The following KLHL14 variants were observed in gnomAD, a reference collection of about 807,000 sequenced individuals.
KLHL14 encodes kelch-like protein 14.
A neutral mutation model predicts 64.3 loss-of-function variants in KLHL14; 22 were observed. The observed-to-expected ratio is 0.34, with a 90% CI of 0.24 to 0.49. KLHL14 has a LOEUF of 0.49. KLHL14 is among the 20% of genes least tolerant of loss of function. The pLI is 0.99. For missense variants in KLHL14, 661 were observed against 789.0 expected, an observed-to-expected ratio of 0.84 and a Z score of 1.94; for synonymous variants, 322 against 333.4, an observed-to-expected ratio of 0.97 and a Z score of 0.37.
intron 3 of KLHL14, chr18:32,733,991 A>G (rs1461655535): frequency 2.4e-5 from 14 of 592,786 alleles, no homozygotes; most frequent in Non-Finnish European, 4.2e-5. Flanking sequence ...GTCTCAAATC[A>G]GCTTGATGTT....
chr18:32,750,485 G>A (rs1488169994), intron 2 of KLHL14, among the ~76,000 whole-genome samples: 1 of 152,138 alleles, frequency 6.6e-6, no homozygotes, highest in East Asian at 1.9e-4. Context: ...ATGTTACACT[G>A]TATATAAATA....
At chr18:32,681,681 A>G (rs968485908) in intron 5 of KLHL14, among the ~76,000 whole-genome samples, 2 of 152,206 alleles carry the variant, frequency 1.3e-5, no homozygotes, top group Non-Finnish European at 2.9e-5. Flanking sequence ...ATATTTAATG[A>G]ATTAATGATC....
Position 32,769,964 on chromosome 18 carries a change from C to T in KLHL14, c.628G>A (p.Val210Met). 6.2e-7 allele frequency: 1 copy of T among 1,614,216 alleles called. No individual in the cohort carries two copies. The highest frequency in any genetic ancestry group is 8.5e-7 in the Non-Finnish European group (1 of 1,180,040). ...AAGTTGAGCAGCAGCACATCCTCCA[C>T]CAGGTACTTGTTGGCCAGCTTCTTG... is the stretch of plus-strand genomic sequence containing the variant. ...ETKKLANKYL[V>M]EDVLLLNFEE... is the part of the protein sequence containing the mutation. Residue 210 changes from valine (V) to methionine (M), a missense_variant, in exon 2 of 9, where the codon GTG becomes ATG. Val to Met is a conservative substitution (Grantham distance 21). Around this residue, in one of 2 missense-constraint regions of KLHL14, gnomAD observed 331 missense variants for 339.0 expected, o/e 0.98. Coordinates refer to ENST00000359358, the MANE Select transcript of KLHL14 (RefSeq NM_020805.3).
At chr18:32,758,210 A>G (rs2050292803) in intron 2 of KLHL14, among the ~76,000 whole-genome samples, 1 of 151,790 alleles carries the variant, frequency 6.6e-6, no homozygotes, top group Non-Finnish European at 1.5e-5. Context: ...GCAGCCTCAA[A>G]CTCCTGGGTT....
At chr18:32,709,684 A>C (rs1388084803) in intron 3 of KLHL14, among the ~76,000 whole-genome samples, 1 of 152,116 alleles carries the variant, frequency 6.6e-6, no homozygotes, top group African/African-American at 2.4e-5. Flanking sequence ...CCTGGCCTCA[A>C]GTGATTTATT....
chr18:32,739,765 CAT>C (rs1435973420), intron 3 of KLHL14, among the ~76,000 whole-genome samples: 1 of 151,922 alleles, frequency 6.6e-6, no homozygotes, highest in African/African-American at 2.4e-5. Context: ...TTAAATCTAA[CAT>C]GTGAAAACTA....
At chr18:32,690,299 T>C (rs1197951391) in intron 4 of KLHL14, among the ~76,000 whole-genome samples, 1 of 151,772 alleles carries the variant, frequency 6.6e-6, no homozygotes, top group African/African-American at 2.4e-5. Flanking sequence ...GTGCTTGGGG[T>C]TTTAAGGGAT....
intron 3 of KLHL14, chr18:32,740,645 C>T (rs183089813): frequency 7.9e-5 from 12 of 152,344 alleles, no homozygotes; most frequent in African/African-American, 2.6e-4. Flanking sequence ...CTTGGCCACT[C>T]ACTCCGATGT....
chr18:32,678,930 T>C (rs1340123701), intron 7 of KLHL14, among the ~76,000 whole-genome samples: 1 of 152,146 alleles, frequency 6.6e-6, no homozygotes, highest in African/African-American at 2.4e-5. Context: ...TTAGACAATA[T>C]CTTGTGCAAA....
intron 4 of KLHL14, among the ~76,000 whole-genome samples, chr18:32,690,853 CAT>C (rs200264131): frequency 2.5e-3 from 378 of 152,212 alleles, no homozygotes; most frequent in African/African-American, 8.5e-3. Context: ...TTATAGGAAT[CAT>C]GTGGGAAAGT....
chr18:32,693,224 T>C (rs2049917228), intron 4 of KLHL14, among the ~76,000 whole-genome samples: 1 of 152,016 alleles, frequency 6.6e-6, no homozygotes, highest in East Asian at 1.9e-4. Context: ...TGCCGCAAGG[T>C]GTAACCAGTT....
In KLHL14 at chr18:32,724,296, C is replaced by A. The variant is rs150299418; in HGVS notation, c.1069+17632G>T. Among the ~76,000 whole-genome samples the A allele has an allele frequency of 1.2e-3, 176 of 152,188 alleles. 1 individual carries two copies. The highest frequency in any genetic ancestry group is 3.6e-3 in the African/African-American group (151 of 41,502). On this transcript the variant is annotated intron_variant, in intron 3 of 8. Transcript: ENST00000359358. The stretch of plus-strand genomic sequence containing the variant: ...ATCTCCTGGGGTTATTAAGGGTGAA[C>A]CAATAAATGATAGATTTGAAAGTGC...
At chr18:32,772,463 C>T (rs2050395506) in intron 1 of KLHL14, among the ~76,000 whole-genome samples, 1 of 151,602 alleles carries the variant, frequency 6.6e-6, no homozygotes, top group Admixed American at 6.6e-5. Flanking sequence ...TTTTCCTATT[C>T]CCCTTCCTTC....
At chr18:32,730,597 C>A (rs2050132476) in intron 3 of KLHL14, among the ~76,000 whole-genome samples, 1 of 152,196 alleles carries the variant, frequency 6.6e-6, no homozygotes, top group Admixed American at 6.5e-5. Context: ...TAAAATTAAT[C>A]ATGTCAAAAG....
chr18:32,758,104 T>G (rs2050291505), intron 2 of KLHL14, among the ~76,000 whole-genome samples: 1 of 152,074 alleles, frequency 6.6e-6, no homozygotes, highest in Admixed American at 6.6e-5. Flanking sequence ...CTCTCTTTTG[T>G]ATCTTTTTGT....
At position 32,770,236 on chromosome 18, in the gene KLHL14, G is replaced by C; in HGVS notation, c.356C>G (p.Pro119Arg). 1 of 1,603,360 alleles carries C rather than the reference G, an allele frequency of 6.2e-7. No individual in the cohort carries two copies. Among genetic ancestry groups the C allele is most frequent in the Non-Finnish European group, 8.5e-7 (1 of 1,172,812 alleles). ...CAGCACCAGGTTGTTGATGGCCCGG[G>C]GGCTGGTCAGCAGCTTGTCGTCGGG... ...SSPDDKLLTS[P>R]RAINNLVLQG... Residue 119 changes from proline to arginine, a missense_variant, in exon 2 of 9, where the codon CCC (proline) becomes CGC (arginine). This residue lies in a region of KLHL14 where 331 missense variants were observed against 339.0 expected (regional missense o/e 0.98). Coordinates refer to ENST00000359358, the MANE Select transcript of KLHL14 (RefSeq NM_020805.3). This position sits in a 1 kb window ranked among gnomAD's most constrained non-coding sequence, Gnocchi z 6.7.
intron 3 of KLHL14, among the ~76,000 whole-genome samples, chr18:32,703,008 C>T (rs149366561): frequency 5.3e-5 from 8 of 152,170 alleles, no homozygotes; most frequent in African/African-American, 1.9e-4. Context: ...CTATGAGGAT[C>T]GTTTCATCAC....
intron 4 of KLHL14, among the ~76,000 whole-genome samples, chr18:32,693,403 CACACACACACAGAGAGAGAG>C (rs1395631455): frequency 8.3e-6 from 1 of 120,788 alleles, no homozygotes; most frequent in Non-Finnish European, 1.8e-5. Context: ...CACACACACA[CACACACACACAGAGAGAGAG>C]AGAGAGAGAG....
chr18:32,735,784 G>T (rs1440359272), intron 3 of KLHL14, among the ~76,000 whole-genome samples: 1 of 152,060 alleles, frequency 6.6e-6, no homozygotes. Context: ...TATTAACATG[G>T]TGATATTTGT....
Sources: allele counts gnomAD v4.1 joint callset (sites outside exome capture counted in the v4.1 genomes callset), GRCh38; gene constraint gnomAD v4.1.1; regional missense constraint gnomAD v4.1.1; non-coding constraint Gnocchi (gnomAD v3.1); transcripts MANE v1.5; gene names NCBI Gene and HGNC (gene_info 2026-07-23, HGNC 2026-07-21).